Variants in ERAP2 observed in about 807,000 individuals in gnomAD.
The protein encoded by ERAP2 is leukocyte-derived arginine aminopeptidase.
ERAP2 carries 118 observed loss-of-function variants against 111.1 expected under a neutral mutation model. The ratio of observed to expected loss-of-function variants is 1.06; its 90% CI spans 0.92 to 1.24. The LOEUF is 1.24. Ranked by LOEUF, ERAP2 falls within the 50% of genes most tolerant of loss-of-function variation. The pLI, the probability that ERAP2 is intolerant of heterozygous loss-of-function variation, is 0.00. For synonymous variants in ERAP2, 410 were observed against 401.2 expected, an observed-to-expected ratio of 1.02 and a Z score of -0.26; for missense variants, 1,131 against 1,125.8, an observed-to-expected ratio of 1.00 and a Z score of -0.07.
At chr5:96,881,988 G>GA (rs11375466) in intron 2 of ERAP2, among the ~76,000 whole-genome samples, 94,773 of 151,896 alleles carry the variant, frequency 0.62, 29,743 homozygotes, top group Middle Eastern at 0.74. Context: ...TGGGTATCAG[G>GA]AAGTGACTAG....
intron 1 of ERAP2, among the ~76,000 whole-genome samples, chr5:96,877,464 C>T (rs914227011): frequency 6.6e-6 from 1 of 152,134 alleles, no homozygotes; most frequent in Non-Finnish European, 1.5e-5. Flanking sequence ...CAAGTTATAA[C>T]CTCAATAATA....
At chr5:96,881,199 A>C (rs1009217976) in intron 2 of ERAP2, 64 of 345,650 alleles carry the variant, frequency 1.9e-4, no homozygotes, top group Admixed American at 3.3e-4. Flanking sequence ...GCTCTGATTT[A>C]TGCTTTATAA....
At chr5:96,904,034 G>C (rs559337645) in intron 13 of ERAP2, among the ~76,000 whole-genome samples, 1 of 152,214 alleles carries the variant, frequency 6.6e-6, no homozygotes, top group Admixed American at 6.5e-5. Context: ...ACCAAATACC[G>C]GTGTAATCTC....
chr5:96,889,428 A>C (rs1581819931), intron 5 of ERAP2, 123 bp downstream of exon 5: 1 of 1,110,220 alleles, frequency 9.0e-7, no homozygotes, highest in Non-Finnish European at 1.4e-6. Flanking sequence ...CTCAGGAAAA[A>C]ATAATTTGTT....
chr5:96,896,395 G>A lies in ERAP2; in HGVS notation c.1262G>A (p.Cys421Tyr), dbSNP rs148344927. 993 of 1,610,884 alleles carry A rather than the reference G, an allele frequency of 6.2e-4. 2 individuals are homozygous for A. Among genetic ancestry groups the A allele is most frequent in the Non-Finnish European group, 3.9e-4 (459 of 1,178,036 alleles). ...TAGGATGACTATTTTTTGAATGTGT[G>A]TTTTGAAGTAATTACAAAAGATTCA... ...LQFDDYFLNV[C>Y]FEVITKDSLN... The change falls in exon 8 of 19, where the codon TGT becomes TAT. Residue 421 changes from cysteine to tyrosine, a missense_variant. Physicochemically the swap from Cys to Tyr is radical, Grantham distance 194 (BLOSUM62 -2). Transcript: ENST00000437043.
rs1002496324 is a variant in ERAP2 at position 96,881,575 on chromosome 5, G to C, written c.575+1315G>C. ...TAAATTCCATGGCTTAACCACACAG[G>C]GGCATATTTTTCTCATGCAACAAGA... On this transcript the variant is annotated intron_variant, in intron 2 of 18. Transcript: ENST00000437043. The C allele has an allele frequency of 6.8e-5, 30 of 441,306 alleles. No individual in the cohort carries two copies. The Middle Eastern group carries it at 2.3e-3, about 35-fold the overall frequency. The allele number at this position is 441,306 out of a possible 1,614,324, so 27.3% of individuals were successfully genotyped here.
At position 96,917,748 on chromosome 5, in the gene ERAP2, T is replaced by C. The variant is rs2112456257; in HGVS notation, c.*143T>C. On this transcript the variant is annotated 3_prime_UTR_variant, in exon 19 of 19. Transcript: ENST00000437043. ...GGTGAGACCCCGTCTCCGCTAAAAATACAAAAAATTAGCCGGGCATGGTGG... is the reference window on the plus strand; with the variant it reads ...GGTGAGACCCCGTCTCCGCTAAAAACACAAAAAATTAGCCGGGCATGGTGG... The C allele has an allele frequency of 2.0e-6, 1 of 502,980 alleles. No homozygotes were observed. The highest frequency in any genetic ancestry group is 3.3e-6 in the Non-Finnish European group (1 of 306,628). The allele number at this position is 502,980 out of a possible 1,614,324, so 31.2% of individuals were successfully genotyped here. A position where few individuals can be genotyped will look rare whatever the true frequency, so the allele number is the denominator to read the frequency against.
intron 4 of ERAP2, among the ~76,000 whole-genome samples, chr5:96,887,902 G>A (rs1783925956): frequency 6.6e-6 from 1 of 152,142 alleles, no homozygotes; most frequent in South Asian, 2.1e-4. Flanking sequence ...GAGGCTGGCA[G>A]ATCGCCTGAG....
chr5:96,910,012 T>A (rs929807233), intron 15 of ERAP2: 8 of 343,232 alleles, frequency 2.3e-5, no homozygotes, highest in African/African-American at 1.6e-4. Context: ...ACGCCTATAA[T>A]CCCAGCACTT....
chr5:96,876,954 A>G (rs942366110), intron 1 of ERAP2, among the ~76,000 whole-genome samples: 32 of 151,970 alleles, frequency 2.1e-4, no homozygotes, highest in African/African-American at 7.5e-4. Flanking sequence ...TCATCTGTTT[A>G]TTTAATTTAA....
At chr5:96,908,652 C>T (rs553654596) in intron 13 of ERAP2, among the ~76,000 whole-genome samples, 1 of 152,146 alleles carries the variant, frequency 6.6e-6, no homozygotes, top group Admixed American at 6.5e-5. Flanking sequence ...ATTTATTAAC[C>T]TTTTGCTATG....
chr5:96,887,535 G>A (rs923127029), intron 4 of ERAP2, among the ~76,000 whole-genome samples: 19 of 152,022 alleles, frequency 1.2e-4, no homozygotes, highest in Admixed American at 2.6e-4. Flanking sequence ...CCTGACCTCA[G>A]GTGATCCTCC....
rs756003105 is a variant in ERAP2, at chr5:96,909,052, T to C, written c.2104T>C (p.Tyr702His). ...SSPALLEGLS[Y>H]LESFYHMMDR... ...CCCCGCACTTCTCGAAGGTCTGAGTTACTTGGAATCGTTTTACCACATGAT... is the reference window on the plus strand; with the variant it reads ...CCCCGCACTTCTCGAAGGTCTGAGTCACTTGGAATCGTTTTACCACATGAT... Residue 702 changes from tyrosine (Y) to histidine (H), a missense_variant, in exon 14 of 19, where the codon TAC (tyrosine) becomes CAC (histidine). Physicochemically the swap from Tyr to His is moderately conservative, Grantham distance 83. This residue lies in a region of ERAP2 where 847 missense variants were observed against 856.5 expected (regional missense o/e 0.99). Coordinates refer to ENST00000437043, the MANE Select transcript of ERAP2 (RefSeq NM_022350.5). 4 of 1,614,184 alleles carry C rather than the reference T, an allele frequency of 2.5e-6. No homozygotes were observed. In the South Asian group the frequency reaches 4.4e-5, roughly 18 times the overall value.
chr5:96,900,157 T>C lies in ERAP2; in HGVS notation c.1540T>C (p.Cys514Arg). 1 of 1,613,906 alleles carries C rather than the reference T, an allele frequency of 6.2e-7. No individual in the cohort carries two copies. The highest frequency in any genetic ancestry group is 8.5e-7 in the Non-Finnish European group (1 of 1,179,868). The change falls in exon 10 of 19, where the codon TGT (cysteine) becomes CGT (arginine). Residue 514 changes from cysteine to arginine, a missense_variant. Cys to Arg is a radical substitution (Grantham distance 180). Coordinates refer to ENST00000437043, the MANE Select transcript of ERAP2 (RefSeq NM_022350.5). ...LESDFTSGGV[C>R]HSDPKMTSNM... ...AAGTGATTTTACATCTGGTGGAGTT[T>C]GTCATTCGGATCCCAAGATGACAAG...
At chr5:96,905,798 C>T (rs1327094224) in intron 13 of ERAP2, among the ~76,000 whole-genome samples, 2 of 152,078 alleles carry the variant, frequency 1.3e-5, no homozygotes, top group East Asian at 1.9e-4. Context: ...GCACATGAAT[C>T]GCTTGAACCC....
intron 3 of ERAP2, 29 bp from the exon 4 acceptor site, chr5:96,886,626 G>A (rs761504017): frequency 1.0e-5 from 15 of 1,473,304 alleles, no homozygotes; most frequent in Middle Eastern, 1.8e-4. Flanking sequence ...CAGTTTTCAA[G>A]TACTGATTAT....
At chr5:96,901,475 C>T (rs1785454946) in intron 10 of ERAP2, 31 bp from the exon 11 acceptor site, 1 of 1,608,922 alleles carries the variant, frequency 6.2e-7, no homozygotes. Flanking sequence ...TCTCCTCTCT[C>T]TTGAGTTATC....
At chr5:96,879,216 CCT>C (rs1345767443) in intron 1 of ERAP2, among the ~76,000 whole-genome samples, 2 of 152,090 alleles carry the variant, frequency 1.3e-5, no homozygotes, top group Non-Finnish European at 2.9e-5. Flanking sequence ...AGAGCAAGAC[CCT>C]GTCTAAAACA....
rs1313928645 is a variant in ERAP2 at position 96,918,555 on chromosome 5, A to C, written c.*950A>C. 6.6e-6 allele frequency: 1 copy of C among 152,124 alleles called. No individual in the cohort carries two copies. The highest frequency in any genetic ancestry group is 2.4e-5 in the African/African-American group (1 of 41,434). 9.4% of individuals were successfully genotyped at this position (152,124 alleles called of 1,614,324 possible). On this transcript the variant is annotated 3_prime_UTR_variant, in exon 19 of 19. Coordinates refer to ENST00000437043, the MANE Select transcript of ERAP2 (RefSeq NM_022350.5). ...AAATGAATGGTCTCTGGTCAAATGAATGAATGGTCAAATGAATAAATCTGC... is the reference window on the plus strand; with the variant it reads ...AAATGAATGGTCTCTGGTCAAATGACTGAATGGTCAAATGAATAAATCTGC...
Sources: allele counts gnomAD v4.1 joint callset (sites outside exome capture counted in the v4.1 genomes callset), GRCh38; gene constraint gnomAD v4.1.1; regional missense constraint gnomAD v4.1.1; transcripts MANE v1.5; gene names NCBI Gene and HGNC (gene_info 2026-07-23, HGNC 2026-07-21).